PIK3C3: variants seen among roughly 807,000 people sequenced by gnomAD.
PIK3C3 encodes the protein PI3-kinase type 3.
Under a neutral mutation model 126.1 loss-of-function variants are expected in PIK3C3, and 95 were observed. The ratio of observed to expected loss-of-function variants is 0.75; its 90% CI spans 0.64 to 0.89. The LOEUF is 0.89. PIK3C3 is among the 40% of genes least tolerant of loss of function. The probability of loss-of-function intolerance (pLI) is 0.00; values close to 1 mark genes in which losing one functional copy is unlikely to be tolerated. For synonymous variants in PIK3C3, 374 were observed against 360.0 expected, an observed-to-expected ratio of 1.04 and a Z score of -0.44; for missense variants, 829 against 1,063.2, an observed-to-expected ratio of 0.78 and a Z score of 3.06.
chr18:42,003,793 T>C (rs538967956), intron 9 of PIK3C3, among the ~76,000 whole-genome samples: 1 of 152,322 alleles, frequency 6.6e-6, no homozygotes, highest in Non-Finnish European at 1.5e-5. Context: ...TGAGGTTTTG[T>C]TGGATTGCCT....
intron 4 of PIK3C3, among the ~76,000 whole-genome samples, chr18:41,986,500 T>A (rs1029992451): frequency 6.6e-6 from 1 of 152,072 alleles, no homozygotes; most frequent in Admixed American, 6.6e-5. Context: ...AGAATAGATG[T>A]TAATACTTGA....
At chr18:41,990,318 A>G (rs1167231884) in intron 5 of PIK3C3, 141 bp from the exon 6 acceptor site, 1 of 619,374 alleles carries the variant, frequency 1.6e-6, no homozygotes, top group East Asian at 2.8e-5. Flanking sequence ...CTACATGTAT[A>G]TAATAAAATA....
chr18:42,029,534 ATTTTTTTTTTTTT>A lies in PIK3C3; in HGVS notation c.1707+109_1707+121del. 5 of 209,896 alleles carry A rather than the reference ATTTTTTTTTTTTT, an allele frequency of 2.4e-5. 1 individual carries two copies. Among genetic ancestry groups the A allele is most frequent in the Non-Finnish European group, 2.8e-5 (3 of 108,976 alleles). The allele number at this position is 209,896 out of a possible 1,614,324, so 13.0% of individuals were successfully genotyped here. On this transcript the variant is annotated intron_variant, in intron 15 of 24. Transcript: ENST00000262039. ...ATTGTCTTTTTGGGTTGATACGTGA[ATTTTTTTTTTTTT>A]TTTTTTTTTTTTTTTGACAATGTCT...
intron 9 of PIK3C3, among the ~76,000 whole-genome samples, chr18:42,002,539 A>G (rs1205362275): frequency 6.6e-6 from 1 of 152,192 alleles, no homozygotes; most frequent in Non-Finnish European, 1.5e-5. Context: ...CAATATGAAG[A>G]CATTTTTGTC....
At chr18:42,015,451 G>A in intron 11 of PIK3C3, 25 bp from the exon 12 acceptor site, 2 of 1,556,524 alleles carry the variant, frequency 1.3e-6, no homozygotes, top group East Asian at 2.2e-5. Context: ...TTACATCTCA[G>A]TGATCTCTTT....
intron 24 of PIK3C3, among the ~76,000 whole-genome samples, chr18:42,073,924 C>T (rs1568012290): frequency 6.6e-6 from 1 of 152,040 alleles, no homozygotes; most frequent in Non-Finnish European, 1.5e-5. Flanking sequence ...TTGTATTTCT[C>T]TAGGTAAAGT....
chr18:42,083,499 C>G lies in PIK3C3; in HGVS notation c.*2362C>G, dbSNP rs1004205510. On this transcript the variant is annotated 3_prime_UTR_variant, in exon 25 of 25. Coordinates refer to ENST00000262039, the MANE Select transcript of PIK3C3 (RefSeq NM_002647.4). ...AAGAAGAAAAGTATGGTTAACATTG[C>G]CAAATAAAGGGTCATACAGCCTTGC... The G allele has an allele frequency of 2.0e-5, 3 of 152,010 alleles. No homozygotes were observed. Among genetic ancestry groups the G allele is most frequent in the Admixed American group, 1.3e-4 (2 of 15,256 alleles). The allele number at this position is 152,010 out of a possible 1,614,324, so 9.4% of individuals were successfully genotyped here.
At chr18:41,961,646 C>T (rs1980091772) in intron 2 of PIK3C3, among the ~76,000 whole-genome samples, 1 of 152,072 alleles carries the variant, frequency 6.6e-6, no homozygotes, top group East Asian at 1.9e-4. Flanking sequence ...TTTGAGTAAA[C>T]AGAAATAGAA....
Position 42,040,725 on chromosome 18 carries a change from C to A in PIK3C3, c.2087C>A (p.Thr696Lys). The A allele has an allele frequency of 1.9e-6, 3 of 1,603,818 alleles. No homozygotes were observed. Among genetic ancestry groups the A allele is most frequent in the Non-Finnish European group, 2.6e-6 (3 of 1,171,390 alleles). ...GTTCCTGTGGCTGAAGTTCTTGATA[C>A]AGAGGGAAGCATTCAGGTATGGTAT... ...QSVPVAEVLD[T>K]EGSIQNFFRK... The change falls in exon 19 of 25, where the codon ACA becomes AAA. Residue 696 changes from threonine (T) to lysine (K), a missense_variant. Physicochemically the swap from Thr to Lys is moderately conservative, Grantham distance 78. This residue lies in a region of PIK3C3 where 196 missense variants were observed against 312.8 expected (regional missense o/e 0.63). Transcript: ENST00000262039.
At chr18:42,052,037 T>TA (rs1430996475) in intron 21 of PIK3C3, among the ~76,000 whole-genome samples, 1 of 151,990 alleles carries the variant, frequency 6.6e-6, no homozygotes, top group Non-Finnish European at 1.5e-5. Context: ...AAAAAGGTAG[T>TA]ATTACATCTG....
intron 3 of PIK3C3, among the ~76,000 whole-genome samples, chr18:41,963,995 C>T (rs763014790): frequency 6.6e-6 from 1 of 151,866 alleles, no homozygotes; most frequent in Non-Finnish European, 1.5e-5. Flanking sequence ...AAATTATTAT[C>T]TTGAATCTAT....
intron 13 of PIK3C3, 69 bp downstream of exon 13, chr18:42,020,774 C>T: frequency 2.4e-6 from 2 of 844,368 alleles, no homozygotes; most frequent in Non-Finnish European, 3.8e-6. Flanking sequence ...ATGCTATAAA[C>T]ACAAAGATGA....
chr18:42,001,080 T>C (rs951840741), intron 9 of PIK3C3, among the ~76,000 whole-genome samples: 2 of 152,196 alleles, frequency 1.3e-5, no homozygotes, highest in Admixed American at 6.5e-5. Context: ...ATATGAGATA[T>C]AGTATTTTCA....
chr18:42,027,380 G>A, intron 13 of PIK3C3, 63 bp from the exon 14 acceptor site: 2 of 850,882 alleles, frequency 2.4e-6, no homozygotes, highest in Non-Finnish European at 3.8e-6. Context: ...AATGATATGA[G>A]TATTTACAAA....
At chr18:42,015,452 T>G in intron 11 of PIK3C3, 24 bp from the exon 12 acceptor site, 1 of 1,557,052 alleles carries the variant, frequency 6.4e-7, no homozygotes, top group South Asian at 1.1e-5. Context: ...TACATCTCAG[T>G]GATCTCTTTT....
chr18:42,064,452 AAT>A (rs1012745169), intron 22 of PIK3C3, among the ~76,000 whole-genome samples: 22 of 151,872 alleles, frequency 1.4e-4, no homozygotes, highest in African/African-American at 5.3e-4. Context: ...TCCCTTCTAA[AAT>A]ATATATATAT....
rs565363649 is a variant in PIK3C3, at chr18:41,995,969, A to G, written c.866A>G (p.Asn289Ser). The G allele has an allele frequency of 1.7e-5, 28 of 1,610,932 alleles. No homozygotes were observed. Among genetic ancestry groups the G allele is most frequent in the African/African-American group, 4.0e-5 (3 of 74,958 alleles). The change falls in exon 8 of 25, where the codon AAT (asparagine) becomes AGT (serine). Residue 289 changes from asparagine (N) to serine (S), a missense_variant. Around this residue, in one of 4 missense-constraint regions of PIK3C3, gnomAD observed 64 missense variants for 118.7 expected, o/e 0.54. Transcript: ENST00000262039. ...CCTTCTGACCACGATCTGAAACCCA[A>G]TGCTGCCACGAGAGATCAGTTAAAT... ...SGPSDHDLKP[N>S]AATRDQLNII...
At chr18:42,064,656 A>C in intron 22 of PIK3C3, 84 bp from the exon 23 acceptor site, 1 of 681,404 alleles carries the variant, frequency 1.5e-6, no homozygotes, top group Non-Finnish European at 2.7e-6. Flanking sequence ...TCCAAGTACC[A>C]CTACTTCTAA....
In PIK3C3 at chr18:41,969,861, G is replaced by A. The variant is rs377352392; in HGVS notation, c.402-466G>A. ...TAAGTAGTTTACCCTAGGTTATGTGGGTAATAGCACAGCTGTGATTCAAGT... is the reference window on the plus strand; with the variant it reads ...TAAGTAGTTTACCCTAGGTTATGTGAGTAATAGCACAGCTGTGATTCAAGT... On this transcript the variant is annotated intron_variant, in intron 3 of 24. Transcript: ENST00000262039. 6.6e-5 allele frequency among the ~76,000 whole-genome samples: 10 copies of A among 152,118 alleles called. No individual in the cohort carries two copies. In the East Asian group the frequency reaches 1.5e-3, roughly 23 times the overall value.
Sources: allele counts gnomAD v4.1 joint callset (sites outside exome capture counted in the v4.1 genomes callset), GRCh38; gene constraint gnomAD v4.1.1; regional missense constraint gnomAD v4.1.1; transcripts MANE v1.5; gene names NCBI Gene and HGNC (gene_info 2026-07-23, HGNC 2026-07-21).